The following ADGRL3 variants were observed in gnomAD, a reference collection of about 807,000 sequenced individuals.
ADGRL3 encodes calcium-independent alpha-latrotoxin receptor 3.
Under a neutral mutation model 153.5 loss-of-function variants are expected in ADGRL3, and 62 were observed. The ratio of observed to expected loss-of-function variants is 0.40; its 90% confidence interval spans 0.33 to 0.50. The LOEUF is 0.50. Ranked by LOEUF, ADGRL3 falls within the 20% of genes least tolerant of loss-of-function variation. The pLI, the probability that ADGRL3 is intolerant of heterozygous loss-of-function variation, is 0.47. For synonymous variants in ADGRL3, 710 were observed against 672.5 expected (o/e 1.06, Z -0.86); for missense variants, 1,641 against 1,859.4 (o/e 0.88, Z 2.16).
chr4:62,015,971 G>A (rs2099209310), intron 21 of ADGRL3, among the ~76,000 whole-genome samples: 1 of 151,792 alleles, frequency 6.6e-6, no homozygotes, highest in African/African-American at 2.4e-5. Context: ...TCTTTTAACT[G>A]AAATCCTTTT....
At chr4:61,639,811 C>A (rs1413993939) in intron 5 of ADGRL3, among the ~76,000 whole-genome samples, 1 of 152,012 alleles carries the variant, frequency 6.6e-6, no homozygotes, top group African/African-American at 2.4e-5. Context: ...ATCATATAGC[C>A]CATATTAAAT....
intron 8 of ADGRL3, among the ~76,000 whole-genome samples, chr4:61,756,909 T>A (rs1580662460): frequency 6.6e-6 from 1 of 152,242 alleles, no homozygotes; most frequent in Non-Finnish European, 1.5e-5. Context: ...TCTGTTTATA[T>A]GCTGGATTAC....
At chr4:61,267,824 T>A (rs1419183172) in intron 1 of ADGRL3, among the ~76,000 whole-genome samples, 1 of 53,754 alleles carries the variant, frequency 1.9e-5, no homozygotes, top group East Asian at 5.5e-4. Context: ...AGAGTTTTAG[T>A]TGACTTCACT....
rs909692455 is a variant in ADGRL3 at position 61,517,373 on chromosome 4, C to T, written c.114C>T (p.Arg38=). ...CTGCTCCATTGCGACACGCTGAGCGCAGCCCAGGAGGCGCTCTTCCACCCA... is the reference window on the plus strand; with the variant it reads ...CTGCTCCATTGCGACACGCTGAGCGTAGCCCAGGAGGCGCTCTTCCACCCA... The part of the protein sequence containing the change: ...ALAAPLRHAE[R]SPGGALPPRH... Residue 38 remains arginine, a synonymous_variant, in exon 4 of 27, where the codon CGC becomes CGT. Coordinates refer to ENST00000683033, the MANE Select transcript of ADGRL3 (RefSeq NM_001387552.1). 1.4e-5 allele frequency: 10 copies of T among 708,206 alleles called. No homozygotes were observed. In the Admixed American group the frequency reaches 1.8e-4, roughly 13 times the overall value. 43.9% of individuals were successfully genotyped at this position (708,206 alleles called of 1,614,324 possible).
chr4:61,706,946 A>C (rs1217762971), intron 6 of ADGRL3, among the ~76,000 whole-genome samples: 1 of 152,154 alleles, frequency 6.6e-6, no homozygotes, highest in Non-Finnish European at 1.5e-5. Flanking sequence ...ACTAAACTTA[A>C]TCATTCTAGC....
intron 8 of ADGRL3, among the ~76,000 whole-genome samples, chr4:61,743,456 T>C (rs974923895): frequency 3.3e-5 from 5 of 152,184 alleles, no homozygotes; most frequent in Non-Finnish European, 7.3e-5. Flanking sequence ...GTTATTTTTT[T>C]AAGTGAGAAT....
At chr4:61,821,621 A>C (rs1580998814) in intron 9 of ADGRL3, among the ~76,000 whole-genome samples, 1 of 152,094 alleles carries the variant, frequency 6.6e-6, no homozygotes, top group Non-Finnish European at 1.5e-5. Context: ...TAATTTATAC[A>C]TTTGCAAACT....
intron 9 of ADGRL3, among the ~76,000 whole-genome samples, chr4:61,851,005 A>G (rs1256430582): frequency 1.3e-5 from 2 of 152,306 alleles, no homozygotes; most frequent in African/African-American, 4.8e-5. Context: ...AAAAGTGAAT[A>G]AAAAAGTGAA....
In ADGRL3 at chr4:61,550,377, T is replaced by G. The variant is rs139364769; in HGVS notation, c.259+32859T>G. Among the ~76,000 whole-genome samples, 7 of 152,154 alleles carry G rather than the reference T, an allele frequency of 4.6e-5. No homozygotes were observed. In the East Asian group the frequency reaches 1.4e-3, roughly 29 times the overall value. On this transcript the variant is annotated intron_variant, in intron 4 of 26. Transcript: ENST00000683033. ...TAATTACAAAGTTGGTATGATAAATTAAAATAATTCACTTTTCTTAAGAAA... is the reference window on the plus strand; with the variant it reads ...TAATTACAAAGTTGGTATGATAAATGAAAATAATTCACTTTTCTTAAGAAA...
chr4:61,464,156 T>C (rs2097854230), intron 2 of ADGRL3, among the ~76,000 whole-genome samples: 1 of 152,232 alleles, frequency 6.6e-6, no homozygotes, highest in Non-Finnish European at 1.5e-5. Context: ...CATGACTTAG[T>C]GCTTCTTGCC....
intron 2 of ADGRL3, among the ~76,000 whole-genome samples, chr4:61,384,349 T>A (rs2096710326): frequency 6.6e-6 from 1 of 151,776 alleles, no homozygotes; most frequent in African/African-American, 2.4e-5. Context: ...TCAGTCACAT[T>A]TGCAAACAAT....
rs142691038 is a variant in ADGRL3, at chr4:61,204,441, C to T, written c.-240+2676C>T. Among the ~76,000 whole-genome samples the T allele has an allele frequency of 4.5e-3, 678 of 152,310 alleles. 6 individuals carry two copies. The highest frequency in any genetic ancestry group is 0.016 in the African/African-American group (646 of 41,560). On this transcript the variant is annotated intron_variant, in intron 1 of 26. Coordinates refer to ENST00000683033, the MANE Select transcript of ADGRL3 (RefSeq NM_001387552.1). Reference sequence around the variant, plus strand: ...CCTCCCATTTTCCAAGATCTAATCACAATGATTCCCAGTCCTTACATTATA... The same window carrying T: ...CCTCCCATTTTCCAAGATCTAATCATAATGATTCCCAGTCCTTACATTATA...
chr4:61,270,055 T>A, intron 1 of ADGRL3, among the ~76,000 whole-genome samples: 1 of 151,756 alleles, frequency 6.6e-6, no homozygotes, highest in Non-Finnish European at 1.5e-5. Context: ...AAAACAATAC[T>A]TGTTTAAATG....
chr4:61,773,697 G>A (rs956192111), intron 8 of ADGRL3, among the ~76,000 whole-genome samples: 1 of 152,120 alleles, frequency 6.6e-6, no homozygotes, highest in African/African-American at 2.4e-5. Context: ...CATTGGTGGG[G>A]CCCAGCAAAT....
At chr4:61,625,493 T>C (rs1013539815) in intron 5 of ADGRL3, among the ~76,000 whole-genome samples, 1 of 152,150 alleles carries the variant, frequency 6.6e-6, no homozygotes, top group African/African-American at 2.4e-5. Context: ...TGTATGTATA[T>C]ATATCAGCAC....
intron 21 of ADGRL3, among the ~76,000 whole-genome samples, chr4:62,013,009 C>T (rs1269617559): frequency 6.6e-6 from 1 of 152,092 alleles, no homozygotes; most frequent in Non-Finnish European, 1.5e-5. Flanking sequence ...GGAGCAGCAG[C>T]TGGGGATGAG....
At chr4:61,597,320 G>A (rs2149475922) in intron 5 of ADGRL3, among the ~76,000 whole-genome samples, 2 of 152,192 alleles carry the variant, frequency 1.3e-5, no homozygotes, top group East Asian at 3.9e-4. Context: ...GTTACGAAAG[G>A]AGACTAGCTG....
intron 6 of ADGRL3, among the ~76,000 whole-genome samples, chr4:61,683,789 C>T (rs1280714013): frequency 3.9e-5 from 6 of 152,104 alleles, no homozygotes; most frequent in African/African-American, 1.4e-4. Context: ...TGGGGACCCA[C>T]CCCTATCTGC....
At chr4:61,763,352 TA>T (rs2096936014) in intron 8 of ADGRL3, among the ~76,000 whole-genome samples, 1 of 151,228 alleles carries the variant, frequency 6.6e-6, no homozygotes, top group South Asian at 2.1e-4. Flanking sequence ...CATGTCCAGC[TA>T]TTTTTTTTTT....
Sources: gnomAD v4.1 joint callset for allele counts (sites outside exome capture counted in the v4.1 genomes callset) on GRCh38, gnomAD v4.1.1 for gene constraint, MANE v1.5 for transcripts, NCBI Gene and HGNC (gene_info 2026-07-23, HGNC 2026-07-21) for gene names.